The following SCD5 variants were observed in gnomAD, a reference collection of about 807,000 sequenced individuals.
SCD5 encodes the protein acyl-CoA-desaturase 4.
A neutral mutation model predicts 30.4 loss-of-function variants in SCD5; 20 were observed. The ratio of observed to expected loss-of-function variants is 0.66; its 90% CI spans 0.46 to 0.96. The LOEUF is 0.96. Among genes scored for constraint, SCD5 ranks in the 40% least tolerant of loss-of-function variants. The pLI is 0.00. For synonymous variants in SCD5, 173 were observed against 176.4 expected, an observed-to-expected ratio of 0.98 and a Z score of 0.16; for missense variants, 381 against 443.3, an observed-to-expected ratio of 0.86 and a Z score of 1.26.
rs1479702192 is a variant in SCD5 at position 82,685,134 on chromosome 4, T to C, written c.364-4222A>G. Among the ~76,000 whole-genome samples the C allele has an allele frequency of 2.6e-5, 4 of 152,270 alleles. No homozygotes were observed. In the South Asian group the frequency reaches 8.3e-4, roughly 32 times the overall value. Reference sequence around the variant, plus strand: ...CCACATGTTAATTGATTATTCCTGATAAAAAATTGGAATACTGAAGGGAGC... The same window carrying C: ...CCACATGTTAATTGATTATTCCTGACAAAAAATTGGAATACTGAAGGGAGC... On this transcript the variant is annotated intron_variant, in intron 2 of 4. Coordinates refer to ENST00000319540, the MANE Select transcript of SCD5 (RefSeq NM_001037582.3).
At position 82,774,267 on chromosome 4, in the gene SCD5, C is replaced by T. The variant is rs552170931; in HGVS notation, c.232+24039G>A. ...ATTTTCAACAATAGGGGGTTAAGTA[C>T]ATCTAAACGTTGGAATACGATACTG... On this transcript the variant is annotated intron_variant, in intron 1 of 4. Coordinates refer to ENST00000319540, the MANE Select transcript of SCD5 (RefSeq NM_001037582.3). Among the ~76,000 whole-genome samples, 58 of 151,826 alleles carry T rather than the reference C, an allele frequency of 3.8e-4. 2 individuals carry two copies. Among genetic ancestry groups the T allele is most frequent in the Non-Finnish European group, 6.5e-4 (44 of 67,938 alleles).
At chr4:82,655,483 A>G (rs1305659492) in intron 3 of SCD5, among the ~76,000 whole-genome samples, 1 of 152,236 alleles carries the variant, frequency 6.6e-6, no homozygotes, top group East Asian at 1.9e-4. Flanking sequence ...ACCAGTTGCA[A>G]AAGTATAAAA....
At chr4:82,696,677 A>T (rs1474348873) in intron 2 of SCD5, among the ~76,000 whole-genome samples, 2 of 152,230 alleles carry the variant, frequency 1.3e-5, no homozygotes, top group Admixed American at 1.3e-4. Flanking sequence ...ATGCAAATGA[A>T]GGCAGCTGGG....
At chr4:82,791,766 GA>G (rs145904735) in intron 1 of SCD5, among the ~76,000 whole-genome samples, 9,695 of 149,488 alleles carry the variant, frequency 0.065, 449 homozygotes, top group Non-Finnish European at 0.099. Flanking sequence ...AATGTTCAAT[GA>G]AAAAAAAATG....
At chr4:82,733,351 G>C (rs925561985) in intron 1 of SCD5, among the ~76,000 whole-genome samples, 2 of 152,142 alleles carry the variant, frequency 1.3e-5, no homozygotes, top group African/African-American at 4.8e-5. Context: ...GTGGCCCACA[G>C]CCTGCACTCT....
At chr4:82,661,947 G>A (rs1338849228) in intron 3 of SCD5, among the ~76,000 whole-genome samples, 1 of 152,208 alleles carries the variant, frequency 6.6e-6, no homozygotes, top group South Asian at 2.1e-4. Flanking sequence ...GGACAGGGAC[G>A]TGGGGACGTT....
intron 1 of SCD5, among the ~76,000 whole-genome samples, chr4:82,790,716 G>A (rs577554459): frequency 2.6e-5 from 4 of 152,166 alleles, no homozygotes; most frequent in Admixed American, 6.5e-5. Flanking sequence ...CAGGTAATGA[G>A]TAAGTAATAA....
At chr4:82,686,787 T>C (rs1163410746) in intron 2 of SCD5, among the ~76,000 whole-genome samples, 1 of 145,638 alleles carries the variant, frequency 6.9e-6, no homozygotes, top group Non-Finnish European at 1.5e-5. Flanking sequence ...TTAGAAAGAA[T>C]TCTACTAGTG....
intron 3 of SCD5, among the ~76,000 whole-genome samples, chr4:82,646,390 T>C (rs950041071): frequency 3.9e-5 from 6 of 152,208 alleles, no homozygotes; most frequent in African/African-American, 1.2e-4. Context: ...AATTGAAATA[T>C]GTGATGCACT....
intron 2 of SCD5, among the ~76,000 whole-genome samples, chr4:82,683,501 C>G (rs1728624890): frequency 6.6e-6 from 1 of 152,176 alleles, no homozygotes; most frequent in Non-Finnish European, 1.5e-5. Context: ...ATGGCATTTC[C>G]TTGGTTCTCA....
chr4:82,672,436 T>C (rs1560530007), intron 3 of SCD5, among the ~76,000 whole-genome samples: 1 of 152,036 alleles, frequency 6.6e-6, no homozygotes, highest in Non-Finnish European at 1.5e-5. Context: ...GCCCACAAAA[T>C]TGATAACCTA....
chr4:82,697,621 G>A (rs775967973), intron 2 of SCD5, among the ~76,000 whole-genome samples: 5 of 152,092 alleles, frequency 3.3e-5, no homozygotes, highest in Non-Finnish European at 7.4e-5. Flanking sequence ...TTAGGGGTGG[G>A]GAAATTTTAT....
intron 3 of SCD5, among the ~76,000 whole-genome samples, chr4:82,653,080 G>A (rs543865198): frequency 1.3e-5 from 2 of 152,292 alleles, no homozygotes; most frequent in East Asian, 3.9e-4. Context: ...CCTGAGCCTG[G>A]GAGGTGGAGG....
intron 3 of SCD5, among the ~76,000 whole-genome samples, chr4:82,658,467 C>CTTTT (rs33912415): frequency 0.011 from 1,209 of 105,490 alleles, 71 homozygotes; most frequent in South Asian, 0.033. Flanking sequence ...GGTGGATAAG[C>CTTTT]TTTTTTTTTT....
chr4:82,784,627 G>T (rs1461767932), intron 1 of SCD5, among the ~76,000 whole-genome samples: 1 of 152,168 alleles, frequency 6.6e-6, no homozygotes, highest in Non-Finnish European at 1.5e-5. Context: ...CCAGAATTTA[G>T]ACAGTGCTGT....
intron 1 of SCD5, among the ~76,000 whole-genome samples, chr4:82,748,076 T>G (rs1210436069): frequency 6.6e-6 from 1 of 152,244 alleles, no homozygotes; most frequent in Non-Finnish European, 1.5e-5. Context: ...TATGAAGCAG[T>G]AGTCCCACAG....
chr4:82,737,670 G>GA (rs954070623), intron 1 of SCD5, among the ~76,000 whole-genome samples: 15 of 152,092 alleles, frequency 9.9e-5, no homozygotes, highest in South Asian at 6.2e-4. Context: ...TGTGCTACTG[G>GA]AAAAAAATCA....
At chr4:82,766,520 A>G (rs72909682) in intron 1 of SCD5, among the ~76,000 whole-genome samples, 1,551 of 152,266 alleles carry the variant, frequency 0.01, 23 homozygotes, top group African/African-American at 0.036. Flanking sequence ...AATTATCCCA[A>G]TTGCTTTAGT....
chr4:82,717,894 C>T (rs1018251075), intron 1 of SCD5, among the ~76,000 whole-genome samples: 2 of 150,696 alleles, frequency 1.3e-5, no homozygotes, highest in Non-Finnish European at 2.9e-5. Flanking sequence ...CCAGCCTGGG[C>T]GACAGAGTGA....
Sources: gnomAD v4.1 joint callset for allele counts (sites outside exome capture counted in the v4.1 genomes callset) on GRCh38, gnomAD v4.1.1 for gene constraint, MANE v1.5 for transcripts, NCBI Gene and HGNC (gene_info 2026-07-23, HGNC 2026-07-21) for gene names.